The following RBFOX1 variants were observed in gnomAD, a reference collection of about 807,000 sequenced individuals.
RBFOX1 encodes the protein RNA binding fox-1 homolog 1.
A neutral mutation model predicts 57.7 loss-of-function variants in RBFOX1; 8 were observed. The ratio of observed to expected loss-of-function variants is 0.14; its 90% CI spans 0.08 to 0.25. The LOEUF is 0.25. Among genes scored for constraint, RBFOX1 ranks in the 10% least tolerant of loss-of-function variants. RBFOX1 has a pLI of 1.00. For missense variants in RBFOX1, 611 were observed against 548.5 expected, an observed-to-expected ratio of 1.11 and a Z score of -1.14; for synonymous variants, 326 against 222.4, an observed-to-expected ratio of 1.47 and a Z score of -4.15.
rs7195358 is a variant in RBFOX1 at position 7,162,944 on chromosome 16, C to T, written c.27+110846C>T. Among the ~76,000 whole-genome samples, 1,079 of 151,984 alleles carry T rather than the reference C, an allele frequency of 7.1e-3. 17 individuals carry two copies. The highest frequency in any genetic ancestry group is 0.025 in the African/African-American group (1,035 of 41,406). On this transcript the variant is annotated intron_variant, in intron 4 of 15. Coordinates refer to ENST00000550418, the MANE Select transcript of RBFOX1 (RefSeq NM_018723.4). ...TGGGTTTTCTTCCCGTTTTGGCCATCACCTGACCTAATGACCTTGGGCCAG... is the reference window on the plus strand; with the variant it reads ...TGGGTTTTCTTCCCGTTTTGGCCATTACCTGACCTAATGACCTTGGGCCAG...
intron 4 of RBFOX1, among the ~76,000 whole-genome samples, chr16:7,062,236 G>A (rs111331748): frequency 0.019 from 2,838 of 147,044 alleles, 34 homozygotes; most frequent in Non-Finnish European, 0.03. Context: ...GGAGAATGCC[G>A]TGAACCGAGA....
chr16:7,156,698 A>C (rs187695599), intron 4 of RBFOX1, among the ~76,000 whole-genome samples: 1 of 152,124 alleles, frequency 6.6e-6, no homozygotes, highest in Non-Finnish European at 1.5e-5. Context: ...ATTCCCTTCT[A>C]TGAGTGAGAC....
At chr16:5,473,795 A>T (rs1294300332) in intron 2 of RBFOX1, among the ~76,000 whole-genome samples, 1 of 148,706 alleles carries the variant, frequency 6.7e-6, no homozygotes, top group Non-Finnish European at 1.5e-5. Flanking sequence ...AGATGAATTG[A>T]AAGAGGGAAG....
At chr16:5,363,480 T>G (rs1172562366) in intron 1 of RBFOX1, among the ~76,000 whole-genome samples, 1 of 152,188 alleles carries the variant, frequency 6.6e-6, no homozygotes, top group Non-Finnish European at 1.5e-5. Flanking sequence ...GGAGGCTTAT[T>G]TCATTTTCTC....
chr16:7,394,688 A>G (rs1568606723), intron 4 of RBFOX1, among the ~76,000 whole-genome samples: 1 of 152,184 alleles, frequency 6.6e-6, no homozygotes. Flanking sequence ...TTCGGAGACC[A>G]CGCCAGGGTT....
chr16:6,829,915 T>A (rs961649223), intron 3 of RBFOX1, among the ~76,000 whole-genome samples: 3 of 151,436 alleles, frequency 2.0e-5, no homozygotes, highest in Admixed American at 1.3e-4. Context: ...TATTTTTATT[T>A]TATTTTTTTT....
In RBFOX1 at chr16:6,019,327, C is replaced by T; in HGVS notation, c.-792C>T. 6.1e-6 allele frequency: 6 copies of T among 985,504 alleles called. No individual in the cohort carries two copies. Among genetic ancestry groups the T allele is most frequent in the Non-Finnish European group, 7.2e-6 (6 of 830,252 alleles). 61.0% of individuals were successfully genotyped at this position (985,504 alleles called of 1,614,324 possible). On this transcript the variant is annotated 5_prime_UTR_variant, in exon 1 of 16. Transcript: ENST00000550418. The surrounding 1 kb of genome is among the most constrained non-coding windows in gnomAD (Gnocchi z 4.2). ...TCCTTTCCAGTCCCCGTGCGAGCCG[C>T]GCTGCCGCCGCCTCCTCCAGCCAGA...
At chr16:5,952,771 C>G (rs185019845) in intron 4 of RBFOX1, among the ~76,000 whole-genome samples, 67 of 152,226 alleles carry the variant, frequency 4.4e-4, no homozygotes, top group African/African-American at 1.6e-3. Flanking sequence ...GTGTGGGTGT[C>G]TTGTGCACAC....
At chr16:7,158,174 C>T (rs140806687) in intron 4 of RBFOX1, among the ~76,000 whole-genome samples, 9 of 152,174 alleles carry the variant, frequency 5.9e-5, no homozygotes, top group African/African-American at 1.4e-4. Context: ...TGGTGAAACC[C>T]TGTCTCTATA....
At chr16:5,770,666 C>G (rs1275183770) in intron 3 of RBFOX1, among the ~76,000 whole-genome samples, 1 of 152,198 alleles carries the variant, frequency 6.6e-6, no homozygotes, top group Admixed American at 6.5e-5. Context: ...TGAATTCTTT[C>G]CTGCACATAG....
At chr16:5,424,923 C>CTT (rs1167230941) in intron 1 of RBFOX1, among the ~76,000 whole-genome samples, 4 of 89,592 alleles carry the variant, frequency 4.5e-5, no homozygotes, top group African/African-American at 1.8e-4. Flanking sequence ...TTCTTTCTTT[C>CTT]TTTCTTTCTT....
At chr16:5,931,692 G>C (rs896798388) in intron 4 of RBFOX1, among the ~76,000 whole-genome samples, 33 of 152,120 alleles carry the variant, frequency 2.2e-4, no homozygotes, top group Admixed American at 1.3e-4. Context: ...GAATCTTACA[G>C]TTTGGAGCCC....
chr16:5,553,373 T>C (rs1597496662), intron 2 of RBFOX1, among the ~76,000 whole-genome samples: 1 of 151,686 alleles, frequency 6.6e-6, no homozygotes, highest in Non-Finnish European at 1.5e-5. Context: ...CAGAGTGCAG[T>C]GGCACAATCT....
rs139738034 is a variant in RBFOX1, at chr16:7,292,820, C to G, written c.28-225327C>G. The stretch of plus-strand genomic sequence containing the variant: ...GTTTTCATCAGTAAGCACAATAGGT[C>G]TTGTAATGGAGCGTACAGGTTTGGT... On this transcript the variant is annotated intron_variant, in intron 4 of 15. Transcript: ENST00000550418. 1.8e-3 allele frequency among the ~76,000 whole-genome samples: 273 copies of G among 152,090 alleles called. 3 individuals carry two copies. The highest frequency in any genetic ancestry group is 5.7e-3 in the African/African-American group (235 of 41,476).
At chr16:7,680,760 TG>T (rs2146685012) in intron 14 of RBFOX1, among the ~76,000 whole-genome samples, 1 of 152,314 alleles carries the variant, frequency 6.6e-6, no homozygotes, top group East Asian at 1.9e-4. Flanking sequence ...AGTTAGAAAT[TG>T]CTACTTTTGT....
At chr16:6,757,842 T>C (rs2076041144) in intron 3 of RBFOX1, among the ~76,000 whole-genome samples, 1 of 152,204 alleles carries the variant, frequency 6.6e-6, no homozygotes. Context: ...AGGTGATGGA[T>C]ACCCCCAATT....
chr16:7,196,566 C>G (rs758033217), intron 4 of RBFOX1, among the ~76,000 whole-genome samples: 12 of 152,188 alleles, frequency 7.9e-5, no homozygotes, highest in Non-Finnish European at 1.6e-4. Flanking sequence ...ACCCTGACAA[C>G]AATCCTGAGC....
In RBFOX1 at chr16:5,503,675, C is replaced by T. The variant is rs550712891; in HGVS notation, c.258+36421C>T. On this transcript the variant is annotated intron_variant, in intron 2 of 2. Coordinates refer to the RBFOX1 transcript ENST00000585867. ...GTCAGGTTGGTCTTGAACTCCTGAC[C>T]TGAGGTGATCCATCTGCCTCGGCCT... Among the ~76,000 whole-genome samples the T allele has an allele frequency of 2.0e-4, 31 of 152,210 alleles. No individual in the cohort carries two copies. The East Asian group carries it at 2.7e-3, about 13-fold the overall frequency.
intron 2 of RBFOX1, among the ~76,000 whole-genome samples, chr16:5,512,867 C>T (rs565503041): frequency 1.4e-4 from 22 of 152,236 alleles, no homozygotes; most frequent in Admixed American, 1.2e-3. Context: ...CACAACATTA[C>T]ATTGAGTTGA....
Sources: gnomAD v4.1 joint callset for allele counts (sites outside exome capture counted in the v4.1 genomes callset) on GRCh38, gnomAD v4.1.1 for gene constraint, Gnocchi (gnomAD v3.1) non-coding constraint, MANE v1.5 for transcripts, NCBI Gene and HGNC (gene_info 2026-07-23, HGNC 2026-07-21) for gene names.